STK4: variants seen among roughly 807,000 people sequenced by gnomAD.
STK4 encodes the protein serine/threonine-protein kinase 4.
STK4 carries 30 observed loss-of-function variants against 64.9 expected under a neutral mutation model. That is an observed-to-expected ratio of 0.46 (90% confidence interval 0.35 to 0.63). STK4 has a LOEUF of 0.63. Ranked by LOEUF, STK4 falls within the 20% of genes least tolerant of loss-of-function variation. The pLI is 0.01. For missense variants in STK4, 466 were observed against 598.5 expected, an observed-to-expected ratio of 0.78 and a Z score of 2.31; for synonymous variants, 177 against 199.0, an observed-to-expected ratio of 0.89 and a Z score of 0.93.
chr20:45,049,414 T>C (rs1600537038), intron 10 of STK4, among the ~76,000 whole-genome samples: 1 of 152,348 alleles, frequency 6.6e-6, no homozygotes, highest in East Asian at 1.9e-4. Flanking sequence ...CATAAAGTTA[T>C]TTTCACACAT....
chr20:45,013,706 A>T (rs1171450420), intron 9 of STK4, among the ~76,000 whole-genome samples: 2 of 152,016 alleles, frequency 1.3e-5, no homozygotes, highest in Non-Finnish European at 2.9e-5. Context: ...AAAATAATGT[A>T]TTTTCTAATT....
chr20:44,986,484 G>T (rs906639480), intron 4 of STK4, among the ~76,000 whole-genome samples: 1 of 152,204 alleles, frequency 6.6e-6, no homozygotes, highest in Non-Finnish European at 1.5e-5. Context: ...CTGAGAGCCA[G>T]ATCATGTAAA....
intron 10 of STK4, among the ~76,000 whole-genome samples, chr20:45,066,147 C>T (rs1979548659): frequency 6.6e-6 from 1 of 151,102 alleles, no homozygotes; most frequent in Non-Finnish European, 1.5e-5. Flanking sequence ...TATATACACA[C>T]ATTATATACA....
At chr20:45,059,702 A>G (rs1430161319) in intron 10 of STK4, among the ~76,000 whole-genome samples, 1 of 152,212 alleles carries the variant, frequency 6.6e-6, no homozygotes. Flanking sequence ...GAAACTACAG[A>G]TAAGGGGGAA....
rs539372261 is a variant in STK4, at chr20:45,061,183, G to A, written c.1306-13835G>A. Among the ~76,000 whole-genome samples, 7 of 152,306 alleles carry A rather than the reference G, an allele frequency of 4.6e-5. No homozygotes were observed. In the East Asian group the frequency reaches 5.8e-4, roughly 13 times the overall value. On this transcript the variant is annotated intron_variant, in intron 10 of 10. Coordinates refer to ENST00000372806, the MANE Select transcript of STK4 (RefSeq NM_006282.5). ...TGCTTTGTGAATTCCATAGCAAGTC[G>A]TAAAGGCTCATGCCAGAATAGAGTT...
At chr20:45,052,946 T>A in intron 10 of STK4, 1 of 627,718 alleles carries the variant, frequency 1.6e-6, no homozygotes, top group Non-Finnish European at 2.7e-6. Context: ...GTGAGAAGAC[T>A]ATCCTAAATT....
intron 10 of STK4, among the ~76,000 whole-genome samples, chr20:45,026,899 C>CACTGCTAATCATAGTAG (rs950820079): frequency 2.6e-5 from 4 of 152,146 alleles, no homozygotes; most frequent in African/African-American, 9.7e-5. Context: ...ACCAGGCTGC[C>CACTGCTAATCATAGTAG]ACTGCTAATC....
intron 1 of STK4, chr20:44,970,739 T>C (rs2067228831): frequency 6.6e-6 from 1 of 152,214 alleles, no homozygotes; most frequent in Admixed American, 6.5e-5. Flanking sequence ...ATTTCTCTAG[T>C]TTATAGTCCT....
chr20:44,988,533 G>GTGTATATATATATATATATATATA (rs1221720136), intron 5 of STK4, among the ~76,000 whole-genome samples: 2 of 101,582 alleles, frequency 2.0e-5, no homozygotes, highest in African/African-American at 9.5e-5. Context: ...ATGTGTGTGT[G>GTGTATATATATATATATATATATA]TATATATATA....
chr20:45,024,276 C>T (rs1458035529), intron 9 of STK4, among the ~76,000 whole-genome samples: 1 of 151,128 alleles, frequency 6.6e-6, no homozygotes, highest in Non-Finnish European at 1.5e-5. Context: ...GAGATAAACC[C>T]TGTTAACATT....
At chr20:45,012,948 ATTTTTTTTTTTTTTTT>A (rs60788017) in intron 9 of STK4, among the ~76,000 whole-genome samples, 2 of 51,184 alleles carry the variant, frequency 3.9e-5, no homozygotes, top group East Asian at 1.5e-3. Context: ...CACACCTGTG[ATTTTTTTTTTTTTTTT>A]TTTTTTTTTT....
intron 9 of STK4, among the ~76,000 whole-genome samples, chr20:45,005,211 C>T (rs1228177024): frequency 1.3e-5 from 2 of 152,140 alleles, no homozygotes; most frequent in Non-Finnish European, 2.9e-5. Context: ...TTTCTACTTT[C>T]CTAATAAATT....
intron 9 of STK4, among the ~76,000 whole-genome samples, chr20:45,022,615 A>G (rs967694387): frequency 6.6e-6 from 1 of 152,230 alleles, no homozygotes; most frequent in African/African-American, 2.4e-5. Context: ...CAGAAATGTT[A>G]TCTTTAGTGT....
intron 7 of STK4, among the ~76,000 whole-genome samples, chr20:44,999,299 T>C (rs529436198): frequency 6.6e-6 from 1 of 152,326 alleles, no homozygotes; most frequent in East Asian, 1.9e-4. Flanking sequence ...CTAAGTGGAT[T>C]GCCAAATTCT....
At chr20:45,025,232 A>G in intron 10 of STK4, 102 bp downstream of exon 10, 1 of 1,371,590 alleles carries the variant, frequency 7.3e-7, no homozygotes, top group Middle Eastern at 1.9e-4. Flanking sequence ...GAGTCTCCTA[A>G]ACCATCCCTG....
intron 2 of STK4, chr20:44,972,508 T>C (rs1439175266): frequency 6.0e-6 from 1 of 165,872 alleles, no homozygotes; most frequent in African/African-American, 2.4e-5. Context: ...AAAATCAATG[T>C]AATTTAGTAT....
chr20:44,994,506 A>G (rs1274175605), intron 5 of STK4, among the ~76,000 whole-genome samples: 1 of 145,916 alleles, frequency 6.9e-6, no homozygotes. Flanking sequence ...TTTTCTTTTT[A>G]ATATGGTGTT....
chr20:45,034,757 A>AT (rs2068499823), intron 10 of STK4, among the ~76,000 whole-genome samples: 2 of 152,120 alleles, frequency 1.3e-5, no homozygotes, highest in African/African-American at 2.4e-5. Flanking sequence ...TACAAAAAAA[A>AT]GGAAAAAAAA....
At chr20:45,003,680 T>A (rs943677713) in intron 9 of STK4, among the ~76,000 whole-genome samples, 2 of 151,766 alleles carry the variant, frequency 1.3e-5, no homozygotes, top group Non-Finnish European at 2.9e-5. Context: ...TTCCTTCCTC[T>A]CAGTTTTGCT....
Sources: gnomAD v4.1 joint callset for allele counts (sites outside exome capture counted in the v4.1 genomes callset) on GRCh38, gnomAD v4.1.1 for gene constraint, MANE v1.5 for transcripts, NCBI Gene and HGNC (gene_info 2026-07-23, HGNC 2026-07-21) for gene names.